TERB1: variants seen among roughly 807,000 people sequenced by gnomAD.
TERB1 encodes the protein telomere repeat binding bouquet formation protein 1.
A neutral mutation model predicts 92.3 loss-of-function variants in TERB1; 63 were observed. The observed-to-expected ratio is 0.68, with a 90% CI of 0.56 to 0.84. TERB1 has a LOEUF of 0.84. TERB1 is among the 40% of genes least tolerant of loss of function. TERB1 has a pLI of 0.00. For synonymous variants in TERB1, 252 were observed against 283.9 expected (o/e 0.89, Z 1.13); for missense variants, 709 against 843.7 (o/e 0.84, Z 1.98).
intron 3 of TERB1, among the ~76,000 whole-genome samples, chr16:66,795,553 T>A (rs903040684): frequency 6.6e-6 from 1 of 152,142 alleles, no homozygotes; most frequent in African/African-American, 2.4e-5. Flanking sequence ...ATCTAAAGAC[T>A]TAAAATGGAA....
chr16:66,772,880 C>A (rs1369646232), intron 12 of TERB1, 131 bp from the exon 13 acceptor site: 10 of 662,088 alleles, frequency 1.5e-5, no homozygotes, highest in Non-Finnish European at 9.9e-6. Context: ...TTAATTGGTA[C>A]TGAAAAGTAA....
chr16:66,786,589 C>A (rs2018732420), intron 6 of TERB1, among the ~76,000 whole-genome samples: 1 of 152,208 alleles, frequency 6.6e-6, no homozygotes, highest in Non-Finnish European at 1.5e-5. Flanking sequence ...ATAAATTCAA[C>A]CTTTTCTAGT....
At position 66,759,130 on chromosome 16, in the gene TERB1, G is replaced by A. The variant is rs548529793; in HGVS notation, c.1930+11C>T. On this transcript the variant is annotated intron_variant, in intron 17 of 18. Coordinates refer to ENST00000433154, the MANE Select transcript of TERB1 (RefSeq NM_001136505.2). ...CCATAATTACAATTTTAAAGCTGCT[G>A]AATTAATTACTTTTGTTACAGATAA... 7.2e-6 allele frequency: 11 copies of A among 1,529,496 alleles called. No individual in the cohort carries two copies. The highest frequency in any genetic ancestry group is 1.7e-4 in the Middle Eastern group (1 of 5,884). 94.7% of individuals were successfully genotyped at this position (1,529,496 alleles called of 1,614,324 possible).
At chr16:66,772,805 A>C in intron 12 of TERB1, 56 bp from the exon 13 acceptor site, 1 of 1,342,478 alleles carries the variant, frequency 7.4e-7, no homozygotes, top group East Asian at 2.5e-5. Flanking sequence ...CTTTATATAT[A>C]AGGACAACTT....
intron 18 of TERB1, among the ~76,000 whole-genome samples, chr16:66,755,754 G>A (rs770871832): frequency 4.6e-5 from 7 of 152,066 alleles, no homozygotes; most frequent in East Asian, 1.9e-4. Context: ...CAGCCTGGGC[G>A]ACAGAGCAAG....
intron 3 of TERB1, among the ~76,000 whole-genome samples, chr16:66,795,266 C>A (rs751383076): frequency 6.6e-6 from 1 of 152,152 alleles, no homozygotes; most frequent in Non-Finnish European, 1.5e-5. Context: ...TACCACTTCA[C>A]CCTGTTGCTA....
intron 18 of TERB1, among the ~76,000 whole-genome samples, chr16:66,757,795 G>A (rs372383247): frequency 9.2e-5 from 14 of 152,228 alleles, no homozygotes; most frequent in Middle Eastern, 3.4e-3. Flanking sequence ...AACTCCGTAC[G>A]AATAAAAGAA....
chr16:66,801,177 C>T (rs1959276094), intron 1 of TERB1, 124 bp from the exon 2 acceptor site: 1 of 152,764 alleles, frequency 6.5e-6, no homozygotes, highest in African/African-American at 2.4e-5. Context: ...GGGAAACGAC[C>T]TCACCGGTGG....
In TERB1 at chr16:66,759,250, A is replaced by G. The variant is rs1333805040; in HGVS notation, c.1821T>C (p.Phe607=). ...AVEKSLNSRN[F]SKLLHSCPYQ... is the part of the protein sequence containing the mutation. ...ATGGGCAAGAGTGCAAGAGCTTGCT[A>G]AAGTTTCGGCTATTCAGGGATTTTT... The change falls in exon 17 of 19, where the codon TTT becomes TTC. Residue 607 remains phenylalanine (F), a synonymous_variant. Transcript: ENST00000433154. 16 of 1,546,220 alleles carry G rather than the reference A, an allele frequency of 1.0e-5. No homozygotes were observed. Among genetic ancestry groups the G allele is most frequent in the East Asian group, 2.4e-5 (1 of 40,892 alleles).
Position 66,767,471 on chromosome 16 carries a change from A to C in TERB1, c.1724T>G (p.Val575Gly). The stretch of plus-strand genomic sequence containing the variant: ...ACTGGGAGTTGCTAGAAAACTGACT[A>C]CTTCTTTATTTATTATATCTGAACA... ...TLCSDIINKE[V>G]VSFLATPSCS... is the part of the protein sequence containing the mutation. Residue 575 changes from valine to glycine, a missense_variant, in exon 16 of 19, where the codon GTA becomes GGA. Val to Gly is a moderately radical substitution (Grantham distance 109). Transcript: ENST00000433154. 1 of 1,528,082 alleles carries C rather than the reference A, an allele frequency of 6.5e-7. No homozygotes were observed. The highest frequency in any genetic ancestry group is 1.4e-5 in the African/African-American group (1 of 71,446). The allele number at this position is 1,528,082 out of a possible 1,614,324, so 94.7% of individuals were successfully genotyped here.
chr16:66,781,515 A>T (rs1320348694), intron 9 of TERB1, among the ~76,000 whole-genome samples: 1 of 133,450 alleles, frequency 7.5e-6, no homozygotes, highest in Non-Finnish European at 1.6e-5. Context: ...TCTGGGTACA[A>T]ATTCTTTTTT....
At chr16:66,762,858 A>AT (rs1226332733) in intron 16 of TERB1, among the ~76,000 whole-genome samples, 1 of 149,178 alleles carries the variant, frequency 6.7e-6, no homozygotes, top group Non-Finnish European at 1.5e-5. Flanking sequence ...TAATTTTTGT[A>AT]TTTTTTTTAG....
intron 14 of TERB1, among the ~76,000 whole-genome samples, chr16:66,769,311 T>C (rs1222499016): frequency 6.6e-6 from 1 of 152,098 alleles, no homozygotes; most frequent in African/African-American, 2.4e-5. Flanking sequence ...GGGGTGGTAT[T>C]GGTGTAACCC....
Position 66,790,579 on chromosome 16 carries a change from A to C in TERB1, c.271+16T>G, listed in dbSNP as rs1186852455. 1 of 1,503,608 alleles carries C rather than the reference A, an allele frequency of 6.7e-7. No individual in the cohort carries two copies. Among genetic ancestry groups the C allele is most frequent in the African/African-American group, 1.4e-5 (1 of 71,688 alleles). 93.1% of individuals were successfully genotyped at this position (1,503,608 alleles called of 1,614,324 possible). A position where few individuals can be genotyped will look rare whatever the true frequency, so the allele number is the denominator to read the frequency against. On this transcript the variant is annotated intron_variant, in intron 5 of 18. Coordinates refer to ENST00000433154, the MANE Select transcript of TERB1 (RefSeq NM_001136505.2). ...ACAATGCTTAAAGTATAATGAAATA[A>C]AGTTTTATATTTTACCATTTTTCTC...
intron 10 of TERB1, among the ~76,000 whole-genome samples, chr16:66,778,065 A>G (rs2018577557): frequency 6.6e-6 from 1 of 152,192 alleles, no homozygotes; most frequent in Non-Finnish European, 1.5e-5. Flanking sequence ...GTGAATAATA[A>G]TAGAGTTTCT....
At chr16:66,777,595 T>C (rs191513839) in intron 10 of TERB1, among the ~76,000 whole-genome samples, 21 of 152,278 alleles carry the variant, frequency 1.4e-4, no homozygotes, top group Admixed American at 1.3e-3. Context: ...CTAAAGCAAA[T>C]TTTTTGAAGA....
At chr16:66,766,267 T>C (rs997695437) in intron 16 of TERB1, among the ~76,000 whole-genome samples, 4 of 151,590 alleles carry the variant, frequency 2.6e-5, no homozygotes, top group African/African-American at 9.7e-5. Context: ...ATTTTGCAAT[T>C]AGTATTAAAA....
chr16:66,788,418 ATATT>A (rs2018764254), intron 5 of TERB1, 121 bp from the exon 6 acceptor site: 2 of 741,918 alleles, frequency 2.7e-6, no homozygotes, highest in African/African-American at 3.7e-5. Flanking sequence ...CATTTAATTG[ATATT>A]TATTAGTCAT....
intron 3 of TERB1, among the ~76,000 whole-genome samples, chr16:66,794,922 A>C (rs60528082): frequency 0.48 from 70,743 of 145,920 alleles, 17,983 homozygotes; most frequent in East Asian, 0.63. Context: ...AAAAAAAAAA[A>C]ACACACACAC....
Sources: allele counts gnomAD v4.1 joint callset (sites outside exome capture counted in the v4.1 genomes callset), GRCh38; gene constraint gnomAD v4.1.1; transcripts MANE v1.5; gene names NCBI Gene and HGNC (gene_info 2026-07-23, HGNC 2026-07-21).